Variants in C1orf146 observed in about 807,000 individuals in gnomAD.
C1orf146 encodes chromosome 1 open reading frame 146, also known as protein SPO16 homolog.
A neutral mutation model predicts 23.0 loss-of-function variants in C1orf146; 22 were observed. The ratio of observed to expected loss-of-function variants is 0.96; its 90% confidence interval spans 0.68 to 1.36. The LOEUF (loss-of-function observed/expected upper bound fraction) is 1.36. Ranked by LOEUF, C1orf146 falls within the 40% of genes most tolerant of loss-of-function variation. The probability of loss-of-function intolerance (pLI) is 0.00; values close to 1 mark genes in which losing one functional copy is unlikely to be tolerated. For missense variants in C1orf146, 199 were observed against 206.8 expected, an observed-to-expected ratio of 0.96 and a Z score of 0.23; for synonymous variants, 59 against 65.3, an observed-to-expected ratio of 0.90 and a Z score of 0.47.
At chr1:92,239,707 T>C in intron 2 of C1orf146, among the ~76,000 whole-genome samples, 1 of 151,544 alleles carries the variant, frequency 6.6e-6, no homozygotes. Context: ...TCCAAGATCA[T>C]GCCATTGCAC....
At chr1:92,227,485 G>A (rs985463980) in intron 1 of C1orf146, among the ~76,000 whole-genome samples, 19 of 152,116 alleles carry the variant, frequency 1.2e-4, no homozygotes, top group Non-Finnish European at 1.3e-4. Context: ...GTTGCAGTGA[G>A]CCGAGATCAC....
chr1:92,237,976 C>T (rs1280225988), intron 2 of C1orf146, among the ~76,000 whole-genome samples: 1 of 152,200 alleles, frequency 6.6e-6, no homozygotes, highest in Non-Finnish European at 1.5e-5. Context: ...GTCGCCGAGG[C>T]TGGAGTGCAG....
chr1:92,228,788 TAAAC>T (rs1652031767), intron 1 of C1orf146, among the ~76,000 whole-genome samples: 1 of 152,156 alleles, frequency 6.6e-6, no homozygotes, highest in Non-Finnish European at 1.5e-5. Flanking sequence ...TACAGGGTAT[TAAAC>T]AAATACCAAG....
At chr1:92,223,225 A>T (rs1651878174) in intron 1 of C1orf146, among the ~76,000 whole-genome samples, 1 of 152,216 alleles carries the variant, frequency 6.6e-6, no homozygotes. Context: ...TAACTTTTTA[A>T]GAAAATGTCA....
chr1:92,221,151 A>C (rs912587001), intron 1 of C1orf146, among the ~76,000 whole-genome samples: 2 of 152,224 alleles, frequency 1.3e-5, no homozygotes, highest in Non-Finnish European at 2.9e-5. Context: ...CTATGCAGCC[A>C]TGAAAAGAAA....
chr1:92,244,060 T>C (rs1652501749), intron 3 of C1orf146, among the ~76,000 whole-genome samples, 157 bp from the exon 4 acceptor site: 1 of 152,208 alleles, frequency 6.6e-6, no homozygotes, highest in Non-Finnish European at 1.5e-5. Context: ...TAAATTATTT[T>C]GTTGTGTAGG....
chr1:92,218,222 G>A (rs1301881893), intron 1 of C1orf146, among the ~76,000 whole-genome samples, 174 bp downstream of exon 1: 2 of 152,162 alleles, frequency 1.3e-5, no homozygotes, highest in Non-Finnish European at 2.9e-5. Context: ...CTTGAGAATC[G>A]GTGTGGAAAG....
chr1:92,224,366 TAG>T (rs1464830543), intron 1 of C1orf146, among the ~76,000 whole-genome samples: 1 of 152,108 alleles, frequency 6.6e-6, no homozygotes, highest in Non-Finnish European at 1.5e-5. Context: ...GTTTTTAACT[TAG>T]ATTAAGTCCA....
chr1:92,218,950 C>T (rs1229877508), intron 1 of C1orf146, among the ~76,000 whole-genome samples: 3 of 152,160 alleles, frequency 2.0e-5, no homozygotes, highest in Admixed American at 6.5e-5. Flanking sequence ...ACTTGGGACA[C>T]GACTGACCCC....
At chr1:92,243,294 C>T (rs1652474862) in intron 3 of C1orf146, among the ~76,000 whole-genome samples, 1 of 152,126 alleles carries the variant, frequency 6.6e-6, no homozygotes, top group Non-Finnish European at 1.5e-5. Context: ...AATGGCCTGA[C>T]ACTGTTTCAG....
At chr1:92,230,886 T>A (rs1039226550) in intron 1 of C1orf146, among the ~76,000 whole-genome samples, 1 of 152,196 alleles carries the variant, frequency 6.6e-6, no homozygotes, top group African/African-American at 2.4e-5. Flanking sequence ...TCCTAAGCTC[T>A]GGGTTTCTTT....
At chr1:92,220,355 C>T (rs951628549) in intron 1 of C1orf146, among the ~76,000 whole-genome samples, 1 of 152,106 alleles carries the variant, frequency 6.6e-6, no homozygotes, top group Non-Finnish European at 1.5e-5. Context: ...TACAGTCATG[C>T]ATTGCTTAAT....
At chr1:92,227,368 C>T (rs1651992805) in intron 1 of C1orf146, among the ~76,000 whole-genome samples, 1 of 152,118 alleles carries the variant, frequency 6.6e-6, no homozygotes, top group African/African-American at 2.4e-5. Flanking sequence ...TGGTGAAACC[C>T]TGTCTCTACT....
Position 92,245,725 on chromosome 1 carries a change from T to C in C1orf146, c.*51T>C. 9.1e-7 allele frequency: 1 copy of C among 1,100,268 alleles called. No individual in the cohort carries two copies. The highest frequency in any genetic ancestry group is 1.3e-6 in the Non-Finnish European group (1 of 771,608). The allele number at this position is 1,100,268 out of a possible 1,614,324, so 68.2% of individuals were successfully genotyped here. ...AGAATGTGAAAATAATTAGACCTGT[T>C]AAATTATAATATTCAAATATCTATT... On this transcript the variant is annotated 3_prime_UTR_variant, in exon 6 of 6. Coordinates refer to ENST00000370375, the MANE Select transcript of C1orf146 (RefSeq NM_001012425.2).
intron 2 of C1orf146, chr1:92,240,895 A>C (rs1202377529): frequency 2.2e-6 from 1 of 463,718 alleles, no homozygotes; most frequent in South Asian, 1.6e-5. Context: ...AATATGATTT[A>C]ATTGCCTGGG....
chr1:92,243,256 A>C (rs190166680), intron 3 of C1orf146, among the ~76,000 whole-genome samples: 2 of 152,006 alleles, frequency 1.3e-5, no homozygotes, highest in Non-Finnish European at 2.9e-5. Flanking sequence ...GAAGAGCTAT[A>C]ATCAAGTTTC....
Position 92,227,470 on chromosome 1 carries a change from C to T in C1orf146, c.-39-3912C>T, listed in dbSNP as rs1032339759. 1.2e-4 allele frequency among the ~76,000 whole-genome samples: 18 copies of T among 152,074 alleles called. 1 individual carries two copies. The highest frequency in any genetic ancestry group is 1.0e-3 in the Admixed American group (16 of 15,274). On this transcript the variant is annotated intron_variant, in intron 1 of 5. Transcript: ENST00000370375. ...AGGAGAATGGCGTGAACCCGGGAGG[C>T]GGAGGTTGCAGTGAGCCGAGATCAC...
At chr1:92,221,790 G>T (rs1210710320) in intron 1 of C1orf146, among the ~76,000 whole-genome samples, 1 of 152,160 alleles carries the variant, frequency 6.6e-6, no homozygotes, top group African/African-American at 2.4e-5. Flanking sequence ...ATTGGCATTG[G>T]AGTAGCCAGA....
chr1:92,229,317 T>G, intron 1 of C1orf146: 2 of 550,792 alleles, frequency 3.6e-6, no homozygotes, highest in Non-Finnish European at 7.3e-6. Flanking sequence ...GGTGGTCTTG[T>G]GGGTGCCACA....
Sources: allele counts gnomAD v4.1 joint callset (sites outside exome capture counted in the v4.1 genomes callset), GRCh38; gene constraint gnomAD v4.1.1; transcripts MANE v1.5; gene names NCBI Gene and HGNC (gene_info 2026-07-23, HGNC 2026-07-21).